NAALADL2: variants seen among roughly 807,000 people sequenced by gnomAD.
The protein encoded by NAALADL2 is inactive N-acetylated-alpha-linked acidic dipeptidase-like protein 2.
Under a neutral mutation model 87.2 loss-of-function variants are expected in NAALADL2, and 76 were observed. That is an observed-to-expected ratio of 0.87 (90% CI 0.72 to 1.05). The LOEUF (loss-of-function observed/expected upper bound fraction) is 1.05. NAALADL2 is among the 50% of genes least tolerant of loss of function. The pLI, the probability that NAALADL2 is intolerant of heterozygous loss-of-function variation, is 0.00. For missense variants in NAALADL2, 1,089 were observed against 945.8 expected (o/e 1.15, Z -1.99); for synonymous variants, 354 against 331.0 (o/e 1.07, Z -0.75).
chr3:174,540,643 T>C (rs1722140369), intron 1 of NAALADL2: 1 of 152,190 alleles, frequency 6.6e-6, no homozygotes, highest in Admixed American at 6.5e-5. Context: ...CTTTAATAGT[T>C]TTTTATTGTC....
intron 5 of NAALADL2, among the ~76,000 whole-genome samples, chr3:175,370,828 T>C (rs1228487514): frequency 2.6e-5 from 4 of 152,156 alleles, no homozygotes; most frequent in Non-Finnish European, 5.9e-5. Flanking sequence ...AAAAGGGTAA[T>C]GGAAGTAAAC....
At chr3:175,343,677 C>CCTT (rs1440772259) in intron 5 of NAALADL2, among the ~76,000 whole-genome samples, 17 of 78,916 alleles carry the variant, frequency 2.2e-4, no homozygotes, top group Middle Eastern at 6.4e-3. Context: ...TTTTTTTTTT[C>CCTT]CCTTCCCACT....
intron 3 of NAALADL2, among the ~76,000 whole-genome samples, chr3:174,747,069 T>A (rs967304963): frequency 6.6e-6 from 1 of 151,974 alleles, no homozygotes; most frequent in African/African-American, 2.4e-5. Flanking sequence ...AAAGCAAAAA[T>A]TGACAAATGG....
intron 4 of NAALADL2, among the ~76,000 whole-genome samples, chr3:175,264,798 A>G (rs1312714860): frequency 1.3e-5 from 2 of 151,580 alleles, no homozygotes; most frequent in Non-Finnish European, 3.0e-5. Flanking sequence ...AAATTATATA[A>G]TATTAGAAAA....
intron 3 of NAALADL2, among the ~76,000 whole-genome samples, chr3:174,804,364 G>A (rs1303096730): frequency 6.6e-6 from 1 of 152,160 alleles, no homozygotes; most frequent in East Asian, 1.9e-4. Flanking sequence ...AGGAGATTTT[G>A]TGCTGAGACA....
In NAALADL2 at chr3:175,509,731, A is replaced by G. The variant is rs141568068; in HGVS notation, c.1653+37973A>G. On this transcript the variant is annotated intron_variant, in intron 9 of 13. Coordinates refer to ENST00000454872, the MANE Select transcript of NAALADL2 (RefSeq NM_207015.3). The stretch of plus-strand genomic sequence containing the variant: ...TATAAGGACATGCGAGAGACTGGGT[A>G]ATTTATAAGGGGAAGAGGTTTAATT... Among the ~76,000 whole-genome samples, 782 of 152,314 alleles carry G rather than the reference A, an allele frequency of 5.1e-3. 3 individuals carry two copies. The highest frequency in any genetic ancestry group is 0.016 in the African/African-American group (683 of 41,574).
At chr3:174,745,078 G>A (rs1734120212) in intron 3 of NAALADL2, among the ~76,000 whole-genome samples, 1 of 151,608 alleles carries the variant, frequency 6.6e-6, no homozygotes. Flanking sequence ...GCTAGCAGAA[G>A]ACAAGAAATA....
At chr3:175,314,507 G>C (rs1459185856) in intron 4 of NAALADL2, among the ~76,000 whole-genome samples, 2 of 136,614 alleles carry the variant, frequency 1.5e-5, no homozygotes, top group African/African-American at 5.4e-5. Context: ...TTAATTAAAT[G>C]TATTGTGTCT....
intron 5 of NAALADL2, among the ~76,000 whole-genome samples, chr3:175,424,234 T>A (rs1716392995): frequency 6.6e-6 from 1 of 152,354 alleles, no homozygotes; most frequent in South Asian, 2.1e-4. Context: ...TGGTAGTTTC[T>A]TTTGCTGTGC....
At chr3:175,164,568 A>G (rs1733717187) in intron 2 of NAALADL2, among the ~76,000 whole-genome samples, 1 of 152,202 alleles carries the variant, frequency 6.6e-6, no homozygotes, top group Non-Finnish European at 1.5e-5. Context: ...TTAACCAAGT[A>G]CATATTGCAA....
At chr3:174,849,356 A>G (rs1454107386) in intron 3 of NAALADL2, among the ~76,000 whole-genome samples, 2 of 152,226 alleles carry the variant, frequency 1.3e-5, no homozygotes, top group African/African-American at 4.8e-5. Flanking sequence ...ACAGCTGTAC[A>G]AAAATATTTC....
At chr3:175,285,497 G>A (rs558274399) in intron 4 of NAALADL2, among the ~76,000 whole-genome samples, 45 of 152,272 alleles carry the variant, frequency 3.0e-4, no homozygotes, top group African/African-American at 1.0e-3. Flanking sequence ...CCAAGATGAA[G>A]AAGTAGTATA....
At chr3:175,734,759 C>CA (rs2150074962) in intron 11 of NAALADL2, among the ~76,000 whole-genome samples, 1 of 152,244 alleles carries the variant, frequency 6.6e-6, no homozygotes. Flanking sequence ...CAAGACTGCA[C>CA]ACAGCAGAGG....
At chr3:174,965,560 G>A (rs6782689) in intron 1 of NAALADL2, among the ~76,000 whole-genome samples, 67,947 of 151,736 alleles carry the variant, frequency 0.45, 15,927 homozygotes, top group African/African-American at 0.51. Flanking sequence ...CAGAGAGATG[G>A]GAAGTTAATT....
At chr3:175,033,332 C>A (rs1221251733) in intron 1 of NAALADL2, among the ~76,000 whole-genome samples, 1 of 152,088 alleles carries the variant, frequency 6.6e-6, no homozygotes, top group Non-Finnish European at 1.5e-5. Context: ...TCCTGTTAAT[C>A]TGCTGAGAAC....
At chr3:174,999,975 G>C (rs1748012110) in intron 1 of NAALADL2, among the ~76,000 whole-genome samples, 1 of 151,956 alleles carries the variant, frequency 6.6e-6, no homozygotes, top group Non-Finnish European at 1.5e-5. Context: ...TTTGAAAAAA[G>C]TAATAATAGT....
chr3:175,749,566 C>T (rs938620677), intron 12 of NAALADL2, among the ~76,000 whole-genome samples: 6 of 152,062 alleles, frequency 3.9e-5, no homozygotes, highest in African/African-American at 1.4e-4. Context: ...AGAGAGAGAA[C>T]CCACTCCTGA....
At chr3:175,214,559 T>G (rs1249468893) in intron 2 of NAALADL2, among the ~76,000 whole-genome samples, 3 of 152,032 alleles carry the variant, frequency 2.0e-5, no homozygotes. Context: ...TCATCAGTCT[T>G]CTTTGTCTGA....
chr3:175,067,597 T>C (rs1580275571), intron 1 of NAALADL2, among the ~76,000 whole-genome samples: 1 of 152,040 alleles, frequency 6.6e-6, no homozygotes, highest in African/African-American at 2.4e-5. Context: ...AAATAACAGA[T>C]GCTGCAGGGC....
Sources: allele counts gnomAD v4.1 joint callset (sites outside exome capture counted in the v4.1 genomes callset), GRCh38; gene constraint gnomAD v4.1.1; transcripts MANE v1.5; gene names NCBI Gene and HGNC (gene_info 2026-07-23, HGNC 2026-07-21).